USP24: variants seen among roughly 807,000 people sequenced by gnomAD.
The protein encoded by USP24 is ubiquitin carboxyl-terminal hydrolase 24.
In USP24, 97 loss-of-function variants were observed where a neutral mutation model predicts 361.6. The observed-to-expected ratio is 0.27, with a 90% CI of 0.23 to 0.32. The LOEUF (loss-of-function observed/expected upper bound fraction) is 0.32. USP24 is among the 10% of genes least tolerant of loss of function. The probability of loss-of-function intolerance (pLI) is 1.00; values close to 1 mark genes in which losing one functional copy is unlikely to be tolerated. For missense variants in USP24, 2,353 were observed against 3,165.6 expected, an observed-to-expected ratio of 0.74 and a Z score of 6.16; for synonymous variants, 1,098 against 1,124.6, an observed-to-expected ratio of 0.98 and a Z score of 0.47.
intron 7 of USP24, 32 bp from the exon 8 acceptor site, chr1:55,162,296 T>C (rs1203397500): frequency 1.3e-6 from 2 of 1,495,054 alleles, no homozygotes; most frequent in African/African-American, 1.4e-5. Context: ...TAAAAATACA[T>C]TTGAGAGGAT....
At chr1:55,166,199 T>G (rs1482712308) in intron 6 of USP24, among the ~76,000 whole-genome samples, 1 of 151,806 alleles carries the variant, frequency 6.6e-6, no homozygotes, top group Non-Finnish European at 1.5e-5. Context: ...TAAGTTATTA[T>G]TGACTGCAGT....
At chr1:55,102,207 T>C (rs1422967597) in intron 42 of USP24, among the ~76,000 whole-genome samples, 1 of 152,036 alleles carries the variant, frequency 6.6e-6, no homozygotes, top group Non-Finnish European at 1.5e-5. Flanking sequence ...CCAATCTGGA[T>C]GGCAAAAAAA....
At chr1:55,183,098 C>G (rs1030065724) in intron 1 of USP24, among the ~76,000 whole-genome samples, 1 of 152,134 alleles carries the variant, frequency 6.6e-6, no homozygotes, top group African/African-American at 2.4e-5. Flanking sequence ...TAGACAAATA[C>G]GACAACCAAA....
intron 1 of USP24, among the ~76,000 whole-genome samples, chr1:55,210,667 A>C (rs1488988629): frequency 6.6e-6 from 1 of 152,208 alleles, no homozygotes; most frequent in Non-Finnish European, 1.5e-5. Context: ...TCTTATTTTT[A>C]TGTGACTTAG....
At chr1:55,105,554 A>G (rs1645748255) in intron 41 of USP24, among the ~76,000 whole-genome samples, 1 of 152,254 alleles carries the variant, frequency 6.6e-6, no homozygotes, top group South Asian at 2.1e-4. Context: ...AAAGTTAGTT[A>G]GATTTGGAGC....
Position 55,100,841 on chromosome 1 carries a change from T to G in USP24, c.5269A>C (p.Lys1757Gln). 1.2e-6 allele frequency: 2 copies of G among 1,604,866 alleles called. No homozygotes were observed. Among genetic ancestry groups the G allele is most frequent in the Non-Finnish European group, 1.7e-6 (2 of 1,176,996 alleles). ...TCAAGAGTTACTGGGTGAAATACCT[T>G]CCAAAAATTCTCAGGTACATAGTAC... is the stretch of plus-strand genomic sequence containing the variant. ...LQYYVPENFWKIFKMWNKELY... is the reference protein window; with the variant it reads ...LQYYVPENFWQIFKMWNKELY... Residue 1757 changes from lysine (K) to glutamine (Q), a missense_variant and splice_region_variant, in exon 44 of 68, where the codon AAG becomes CAG. By Grantham distance (53) the Lys-to-Gln change is moderately conservative. Around this residue, in one of 8 missense-constraint regions of USP24, gnomAD observed 105 missense variants for 200.3 expected, o/e 0.52. Transcript: ENST00000294383.
chr1:55,093,456 G>T (rs74930246), intron 52 of USP24: 3,847 of 156,306 alleles, frequency 0.025, 59 homozygotes, highest in Non-Finnish European at 0.036. Flanking sequence ...TCCAAAAAAT[G>T]AGAATAAAAC....
intron 47 of USP24, 89 bp downstream of exon 47, chr1:55,097,854 A>G: frequency 6.6e-7 from 1 of 1,522,066 alleles, no homozygotes; most frequent in Non-Finnish European, 8.8e-7. Flanking sequence ...AAATAACAGT[A>G]GGAGCTTAAT....
At chr1:55,103,841 A>T in intron 42 of USP24, 35 bp downstream of exon 42, 1 of 1,588,360 alleles carries the variant, frequency 6.3e-7, no homozygotes, top group Non-Finnish European at 8.6e-7. Flanking sequence ...GATCATTCTA[A>T]AAAAATTAAG....
chr1:55,066,534 CAGA>C lies in USP24; in HGVS notation c.*2508_*2510del, dbSNP rs1373935196. The C allele has an allele frequency of 6.6e-6, 1 of 152,090 alleles. No individual in the cohort carries two copies. The highest frequency in any genetic ancestry group is 2.4e-5 in the African/African-American group (1 of 41,406). The allele number at this position is 152,090 out of a possible 1,614,324, so 9.4% of individuals were successfully genotyped here. On this transcript the variant is annotated 3_prime_UTR_variant, in exon 68 of 68. Transcript: ENST00000294383. ...AATTCCAGTCTGCTTGTTCCAAGCT[CAGA>C]AGGTAACTGCACACACCTCGATGTT...
At chr1:55,139,791 G>A (rs1646837547) in intron 24 of USP24, among the ~76,000 whole-genome samples, 1 of 152,086 alleles carries the variant, frequency 6.6e-6, no homozygotes, top group Non-Finnish European at 1.5e-5. Context: ...AAAACAGCTG[G>A]TTAAACACAT....
At chr1:55,146,716 T>C (rs1267215164) in intron 19 of USP24, among the ~76,000 whole-genome samples, 1 of 152,204 alleles carries the variant, frequency 6.6e-6, no homozygotes, top group East Asian at 1.9e-4. Context: ...TGGTATTTTA[T>C]CCAGAATGGT....
intron 29 of USP24, 49 bp downstream of exon 29, chr1:55,134,279 A>G: frequency 6.3e-7 from 1 of 1,581,072 alleles, no homozygotes; most frequent in Non-Finnish European, 8.6e-7. Flanking sequence ...TTGGCTCCCT[A>G]ATGTTAGTAA....
At chr1:55,192,505 CGAT>C (rs1445652980) in intron 1 of USP24, among the ~76,000 whole-genome samples, 1 of 152,130 alleles carries the variant, frequency 6.6e-6, no homozygotes, top group Non-Finnish European at 1.5e-5. Context: ...GATCTCTTCA[CGAT>C]GATTTTAAAC....
At chr1:55,204,508 T>G (rs529909407) in intron 1 of USP24, among the ~76,000 whole-genome samples, 1 of 152,188 alleles carries the variant, frequency 6.6e-6, no homozygotes, top group South Asian at 2.1e-4. Context: ...TTCTTGGCAA[T>G]GGATGCCACT....
intron 36 of USP24, among the ~76,000 whole-genome samples, chr1:55,122,714 G>C (rs747293829): frequency 1.1e-4 from 16 of 152,152 alleles, no homozygotes; most frequent in Non-Finnish European, 1.6e-4. Context: ...GTGAAAAAAA[G>C]ATATCAAAGA....
chr1:55,182,191 A>G (rs1267334648), intron 1 of USP24, among the ~76,000 whole-genome samples: 1 of 152,198 alleles, frequency 6.6e-6, no homozygotes, highest in Non-Finnish European at 1.5e-5. Context: ...AGCTGGGACT[A>G]TAGGCATGTG....
At chr1:55,146,374 C>T (rs564806528) in intron 19 of USP24, among the ~76,000 whole-genome samples, 135 of 152,284 alleles carry the variant, frequency 8.9e-4, no homozygotes, top group Non-Finnish European at 1.8e-3. Flanking sequence ...CTGCTTACAA[C>T]AGGCACTATG....
rs576606356 is a variant in USP24, at chr1:55,154,002, C to A, written c.1813-85G>T. On this transcript the variant is annotated intron_variant, in intron 15 of 67. Coordinates refer to ENST00000294383, the MANE Select transcript of USP24 (RefSeq NM_015306.3). ...CCGATCTTGGACTTTAAGGTAAGAG[C>A]TTCCAGATATGGCATTTAGTTTAAT... The A allele has an allele frequency of 1.1e-5, 17 of 1,553,128 alleles. No homozygotes were observed. In the African/African-American group the frequency reaches 2.1e-4, roughly 19 times the overall value.
Sources: gnomAD v4.1 joint callset for allele counts (sites outside exome capture counted in the v4.1 genomes callset) on GRCh38, gnomAD v4.1.1 for gene constraint, gnomAD v4.1.1 regional missense constraint, MANE v1.5 for transcripts, NCBI Gene and HGNC (gene_info 2026-07-23, HGNC 2026-07-21) for gene names.